The following RBPJ variants were observed in gnomAD, a reference collection of about 807,000 sequenced individuals.
RBPJ encodes recombination signal binding protein for immunoglobulin kappa J region, also known as recombining binding protein suppressor of hairless.
A neutral mutation model predicts 67.8 loss-of-function variants in RBPJ; 9 were observed. The ratio of observed to expected loss-of-function variants is 0.13; its 90% CI spans 0.08 to 0.23. RBPJ has a LOEUF of 0.23. Among genes scored for constraint, RBPJ ranks in the 10% least tolerant of loss-of-function variants. The probability of loss-of-function intolerance (pLI) is 1.00; values close to 1 mark genes in which losing one functional copy is unlikely to be tolerated. For synonymous variants in RBPJ, 198 were observed against 203.3 expected (o/e 0.97, Z 0.22); for missense variants, 305 against 595.6 (o/e 0.51, Z 5.08).
chr4:26,147,660 G>A, the RBPJ span, among the ~76,000 whole-genome samples: 21 of 152,056 alleles, frequency 1.4e-4, no homozygotes, highest in East Asian at 3.5e-3. Flanking sequence ...TCGCTCTGTC[G>A]CAGGCTGGAG....
At chr4:26,167,127 T>A (rs2109112957) in intron 1 of RBPJ, among the ~76,000 whole-genome samples, 1 of 152,172 alleles carries the variant, frequency 6.6e-6, no homozygotes, top group East Asian at 1.9e-4. Flanking sequence ...AGCCTTGTAG[T>A]ATAGTTTGAA....
At chr4:26,146,471 A>T in the RBPJ span, among the ~76,000 whole-genome samples, 130 of 152,336 alleles carry the variant, frequency 8.5e-4, no homozygotes, top group Non-Finnish European at 1.7e-3. Context: ...AATCTTCAAG[A>T]CCTTGAGTTA....
chr4:26,270,434 A>AAAG (rs750311444), intron 1 of RBPJ, among the ~76,000 whole-genome samples: 1 of 62,228 alleles, frequency 1.6e-5, no homozygotes, highest in African/African-American at 4.0e-5. Flanking sequence ...AGAAAGAAAG[A>AAAG]AAGAAGAAAG....
intron 3 of RBPJ, among the ~76,000 whole-genome samples, chr4:26,408,627 C>G (rs1054875128): frequency 1.2e-4 from 19 of 152,090 alleles, no homozygotes; most frequent in African/African-American, 4.3e-4. Flanking sequence ...TCCCAAAGTG[C>G]TTTATAAATA....
At chr4:26,334,474 T>G (rs931975172) in intron 1 of RBPJ, among the ~76,000 whole-genome samples, 2 of 152,186 alleles carry the variant, frequency 1.3e-5, no homozygotes, top group Non-Finnish European at 2.9e-5. Flanking sequence ...CATTGCAACT[T>G]AAGTTTTCCC....
the RBPJ span, among the ~76,000 whole-genome samples, chr4:26,151,659 C>G: frequency 6.6e-6 from 1 of 152,230 alleles, no homozygotes; most frequent in African/African-American, 2.4e-5. Flanking sequence ...TGAGGTCACA[C>G]CACCGGCCGA....
chr4:26,316,888 CCT>C (rs939366671), upstream of RBPJ, among the ~76,000 whole-genome samples: 3 of 115,238 alleles, frequency 2.6e-5, no homozygotes, highest in African/African-American at 1.0e-4. Context: ...GCTCCATATG[CCT>C]TTTTCTCCTC....
chr4:26,209,987 C>G (rs927178326), intron 1 of RBPJ, among the ~76,000 whole-genome samples: 6 of 151,978 alleles, frequency 3.9e-5, no homozygotes, highest in Non-Finnish European at 8.8e-5. Context: ...TAAGAAAACA[C>G]TTTCAAGACC....
At chr4:26,333,947 G>T (rs1724519310) in intron 1 of RBPJ, among the ~76,000 whole-genome samples, 1 of 151,982 alleles carries the variant, frequency 6.6e-6, no homozygotes, top group South Asian at 2.1e-4. Flanking sequence ...AATTATAGTT[G>T]TGAGCCACTG....
At chr4:26,286,174 GTAATTATAGAACA>G (rs1266485262) in intron 1 of RBPJ, among the ~76,000 whole-genome samples, 1 of 150,076 alleles carries the variant, frequency 6.7e-6, no homozygotes, top group Non-Finnish European at 1.5e-5. Flanking sequence ...ACGTGGGACA[GTAATTATAGAACA>G]TGTACTGTGG....
the RBPJ span, among the ~76,000 whole-genome samples, chr4:26,124,297 T>G: frequency 6.6e-6 from 1 of 151,718 alleles, no homozygotes; most frequent in South Asian, 2.1e-4. Context: ...AGTGAGAACA[T>G]GCAATGCTTG....
rs538072858 is a variant in RBPJ at position 26,404,148 on chromosome 4, A to G, written c.60-2027A>G. On this transcript the variant is annotated intron_variant, in intron 2 of 10. Coordinates refer to ENST00000355476, the MANE Select transcript of RBPJ (RefSeq NM_015874.6). ...TCAGTGATACTGAGCTTTTTTTCAT[A>G]TGCTTGTTGGCCACTTTTCATATGC... Among the ~76,000 whole-genome samples the G allele has an allele frequency of 5.9e-5, 9 of 151,464 alleles. No individual in the cohort carries two copies. In the South Asian group the frequency reaches 1.7e-3, roughly 28 times the overall value.
intron 1 of RBPJ, among the ~76,000 whole-genome samples, chr4:26,372,786 G>T (rs753095142): frequency 6.6e-6 from 1 of 152,172 alleles, no homozygotes; most frequent in Non-Finnish European, 1.5e-5. Flanking sequence ...TAATGAGCTT[G>T]TAGTATTACC....
chr4:26,309,033 ATT>A (rs35277701), intron 1 of RBPJ, among the ~76,000 whole-genome samples: 60 of 141,184 alleles, frequency 4.2e-4, no homozygotes, highest in African/African-American at 1.1e-3. Flanking sequence ...TAATTATCTA[ATT>A]TTTTTTTTTT....
chr4:26,352,519 G>A (rs375881013), intron 1 of RBPJ, among the ~76,000 whole-genome samples: 1 of 152,172 alleles, frequency 6.6e-6, no homozygotes, highest in African/African-American at 2.4e-5. Flanking sequence ...TTCAATCAAG[G>A]CTGGGCGTGG....
chr4:26,117,930 T>C, the RBPJ span, among the ~76,000 whole-genome samples: 1 of 152,122 alleles, frequency 6.6e-6, no homozygotes, highest in Admixed American at 6.5e-5. Context: ...AAATTATATA[T>C]ATATATTTGT....
At chr4:26,312,122 CTTATT>C (rs961837964) in intron 1 of RBPJ, among the ~76,000 whole-genome samples, 19 of 151,882 alleles carry the variant, frequency 1.3e-4, no homozygotes, top group African/African-American at 3.4e-4. Flanking sequence ...CCAGGGCCTT[CTTATT>C]TTATTTTATT....
the RBPJ span, among the ~76,000 whole-genome samples, chr4:26,134,294 G>T: frequency 6.6e-6 from 1 of 152,162 alleles, no homozygotes; most frequent in South Asian, 2.1e-4. Context: ...TATCCTTTCT[G>T]CAGTTCTCAT....
the RBPJ span, among the ~76,000 whole-genome samples, chr4:26,116,653 C>G: frequency 6.6e-6 from 1 of 152,156 alleles, no homozygotes; most frequent in African/African-American, 2.4e-5. Context: ...GAAGGTGCAC[C>G]AAACAGATTG....
Sources: allele counts gnomAD v4.1 joint callset (sites outside exome capture counted in the v4.1 genomes callset), GRCh38; gene constraint gnomAD v4.1.1; transcripts MANE v1.5; gene names NCBI Gene and HGNC (gene_info 2026-07-23, HGNC 2026-07-21).